The following PELI2 variants were observed in gnomAD, a reference collection of about 807,000 sequenced individuals.
The protein encoded by PELI2 is pellino E3 ubiquitin protein ligase family member 2.
Under a neutral mutation model 42.3 loss-of-function variants are expected in PELI2, and 23 were observed. That is an observed-to-expected ratio of 0.54 (90% CI 0.39 to 0.77). PELI2 has a LOEUF of 0.77. PELI2 is among the 30% of genes least tolerant of loss of function. The pLI, the probability that PELI2 is intolerant of heterozygous loss-of-function variation, is 0.00. For synonymous variants in PELI2, 245 were observed against 212.2 expected (o/e 1.15, Z -1.34); for missense variants, 463 against 553.2 (o/e 0.84, Z 1.64).
At chr14:56,191,093 C>T (rs1236633314) in intron 2 of PELI2, among the ~76,000 whole-genome samples, 1 of 152,080 alleles carries the variant, frequency 6.6e-6, no homozygotes, top group Non-Finnish European at 1.5e-5. Flanking sequence ...TCTAGTGTGC[C>T]CTTTCCCTAC....
At chr14:56,177,269 G>T (rs981189800) in intron 1 of PELI2, among the ~76,000 whole-genome samples, 1 of 152,134 alleles carries the variant, frequency 6.6e-6, no homozygotes, top group Non-Finnish European at 1.5e-5. Flanking sequence ...ACAAGTTCTT[G>T]CTTCCCCTGT....
At chr14:56,138,048 G>C (rs1019555822) in intron 1 of PELI2, among the ~76,000 whole-genome samples, 1 of 152,130 alleles carries the variant, frequency 6.6e-6, no homozygotes, top group African/African-American at 2.4e-5. Flanking sequence ...TTGTGTGCTC[G>C]ATACTCCGCG....
intron 1 of PELI2, among the ~76,000 whole-genome samples, chr14:56,169,576 G>A (rs1172467852): frequency 6.6e-6 from 1 of 152,204 alleles, no homozygotes; most frequent in African/African-American, 2.4e-5. Context: ...GGAAGGGATG[G>A]TGTCAGTGAT....
intron 2 of PELI2, among the ~76,000 whole-genome samples, chr14:56,265,132 A>C (rs567525910): frequency 6.6e-6 from 1 of 152,304 alleles, no homozygotes; most frequent in South Asian, 2.1e-4. Flanking sequence ...GAAATTAATA[A>C]ACTGATTCTA....
At chr14:56,176,974 A>G (rs889230322) in intron 1 of PELI2, among the ~76,000 whole-genome samples, 2 of 152,248 alleles carry the variant, frequency 1.3e-5, no homozygotes, top group African/African-American at 4.8e-5. Context: ...ACTCATGGAT[A>G]CTTTATAGTA....
intron 1 of PELI2, among the ~76,000 whole-genome samples, chr14:56,161,164 A>G (rs1263838892): frequency 6.6e-6 from 1 of 152,234 alleles, no homozygotes. Flanking sequence ...GCCAGGAAAT[A>G]GCCCCTCAAA....
chr14:56,218,726 T>TGTG (rs879288965), intron 2 of PELI2, among the ~76,000 whole-genome samples: 2 of 150,388 alleles, frequency 1.3e-5, no homozygotes, highest in Non-Finnish European at 1.5e-5. Context: ...TGTGTGTGTG[T>TGTG]TTGAGAGAGA....
intron 1 of PELI2, among the ~76,000 whole-genome samples, chr14:56,156,049 G>C (rs1467451611): frequency 6.6e-6 from 1 of 152,052 alleles, no homozygotes; most frequent in African/African-American, 2.4e-5. Context: ...TTTTGTTTCT[G>C]ATTTTTAATT....
At chr14:56,234,310 A>T (rs1172159733) in intron 2 of PELI2, among the ~76,000 whole-genome samples, 1 of 152,224 alleles carries the variant, frequency 6.6e-6, no homozygotes, top group East Asian at 1.9e-4. Context: ...ACGTATGTTT[A>T]TTGTGGCACT....
intron 2 of PELI2, among the ~76,000 whole-genome samples, chr14:56,186,877 A>G (rs141685814): frequency 6.6e-6 from 1 of 152,318 alleles, no homozygotes; most frequent in African/African-American, 2.4e-5. Context: ...GAATAGTTCT[A>G]TCTGCATTTA....
At chr14:56,226,145 C>T (rs1887346532) in intron 2 of PELI2, among the ~76,000 whole-genome samples, 3 of 152,140 alleles carry the variant, frequency 2.0e-5, no homozygotes, top group Admixed American at 2.0e-4. Context: ...TTGATTGAGA[C>T]CCCAGGCTCA....
rs114605550 is a variant in PELI2, at chr14:56,227,496, G to A, written c.207+49032G>A. ...TGGAAAGGAGAAAACGAGAATGAAT[G>A]CTGTGGTGGTAGTTTTGAATTGGAG... On this transcript the variant is annotated intron_variant, in intron 2 of 5. Coordinates refer to ENST00000267460, the MANE Select transcript of PELI2 (RefSeq NM_021255.3). Among the ~76,000 whole-genome samples the A allele has an allele frequency of 4.7e-3, 718 of 152,338 alleles. 3 individuals are homozygous for A. The highest frequency in any genetic ancestry group is 0.016 in the African/African-American group (686 of 41,576).
intron 2 of PELI2, among the ~76,000 whole-genome samples, chr14:56,261,352 A>G (rs1002785716): frequency 6.6e-6 from 1 of 152,030 alleles, no homozygotes; most frequent in African/African-American, 2.4e-5. Flanking sequence ...GTTCATTCTT[A>G]CAAATTCGAT....
At chr14:56,234,172 C>T (rs1348006338) in intron 2 of PELI2, among the ~76,000 whole-genome samples, 2 of 152,176 alleles carry the variant, frequency 1.3e-5, no homozygotes, top group South Asian at 4.1e-4. Context: ...ACTAGTTCAA[C>T]CATTGTGGGA....
chr14:56,152,253 T>G (rs1403671336), intron 1 of PELI2, among the ~76,000 whole-genome samples: 1 of 152,154 alleles, frequency 6.6e-6, no homozygotes, highest in Non-Finnish European at 1.5e-5. Flanking sequence ...CTGTAAGACT[T>G]TGGGAAAGCT....
intron 2 of PELI2, among the ~76,000 whole-genome samples, chr14:56,249,940 G>A (rs1401424128): frequency 6.6e-6 from 1 of 152,162 alleles, no homozygotes; most frequent in Non-Finnish European, 1.5e-5. Flanking sequence ...TTTGACTTTT[G>A]TGCACAGACT....
intron 2 of PELI2, among the ~76,000 whole-genome samples, chr14:56,248,687 A>G (rs916575764): frequency 7.2e-5 from 11 of 151,988 alleles, no homozygotes; most frequent in Non-Finnish European, 1.0e-4. Context: ...TTGGCCTTGA[A>G]TCTGCAACAT....
Position 56,297,449 on chromosome 14 carries a change from G to T in PELI2, c.*283G>T. On this transcript the variant is annotated 3_prime_UTR_variant, in exon 6 of 6. Coordinates refer to ENST00000267460, the MANE Select transcript of PELI2 (RefSeq NM_021255.3). ...TGCTATGCTTCTATTTTTAACCTTGGGTTTTTAACCAAGTTTTTTTTTTTT... is the reference window on the plus strand; with the variant it reads ...TGCTATGCTTCTATTTTTAACCTTGTGTTTTTAACCAAGTTTTTTTTTTTT... 6.7e-6 allele frequency: 2 copies of T among 297,166 alleles called. No individual in the cohort carries two copies. Among genetic ancestry groups the T allele is most frequent in the Non-Finnish European group, 6.0e-6 (1 of 165,446 alleles). The allele number at this position is 297,166 out of a possible 1,614,324, so 18.4% of individuals were successfully genotyped here. A position where few individuals can be genotyped will look rare whatever the true frequency, so the allele number is the denominator to read the frequency against.
At chr14:56,274,229 C>G (rs1218243000) in intron 2 of PELI2, among the ~76,000 whole-genome samples, 1 of 152,194 alleles carries the variant, frequency 6.6e-6, no homozygotes, top group Non-Finnish European at 1.5e-5. Context: ...CCAACAGTGT[C>G]TGCCACAGTG....
Sources: gnomAD v4.1 joint callset for allele counts (sites outside exome capture counted in the v4.1 genomes callset) on GRCh38, gnomAD v4.1.1 for gene constraint, MANE v1.5 for transcripts, NCBI Gene and HGNC (gene_info 2026-07-23, HGNC 2026-07-21) for gene names.